ANO1: variants seen among roughly 807,000 people sequenced by gnomAD.
ANO1 encodes the protein anoctamin-1.
Under a neutral mutation model 124.0 loss-of-function variants are expected in ANO1, and 59 were observed. That is an observed-to-expected ratio of 0.48 (90% CI 0.39 to 0.59). The LOEUF is 0.59. ANO1 is among the 20% of genes least tolerant of loss of function. ANO1 has a pLI of 0.00. For synonymous variants in ANO1, 529 were observed against 532.0 expected (o/e 0.99, Z 0.08); for missense variants, 1,059 against 1,328.0 (o/e 0.80, Z 3.15).
chr11:70,156,022 G>T (rs557917774), intron 15 of ANO1, 34 bp downstream of exon 15: 3 of 1,467,482 alleles, frequency 2.0e-6, no homozygotes, highest in Admixed American at 2.9e-5. Flanking sequence ...CGCGCGTCTT[G>T]ACTGTTTGCA....
At chr11:70,175,009 C>T (rs577973393) in intron 22 of ANO1, among the ~76,000 whole-genome samples, 52 of 152,190 alleles carry the variant, frequency 3.4e-4, no homozygotes, top group African/African-American at 1.2e-3. Flanking sequence ...CAGTACCCCA[C>T]CCCCGCCCGC....
intron 5 of ANO1, among the ~76,000 whole-genome samples, chr11:70,107,856 G>A (rs555185275): frequency 3.3e-4 from 51 of 152,306 alleles, no homozygotes; most frequent in African/African-American, 6.3e-4. Flanking sequence ...GATGATGGCC[G>A]CCTCCTGCCA....
intron 1 of ANO1, among the ~76,000 whole-genome samples, chr11:70,017,817 G>A (rs1011661123): frequency 5.9e-5 from 9 of 152,012 alleles, no homozygotes; most frequent in African/African-American, 2.2e-4. Flanking sequence ...ACAGTACCTG[G>A]CCTATTTTCC....
At chr11:70,185,393 G>T (rs2049072303) in intron 24 of ANO1, among the ~76,000 whole-genome samples, 197 bp from the exon 25 acceptor site, 1 of 152,118 alleles carries the variant, frequency 6.6e-6, no homozygotes, top group Admixed American at 6.5e-5. Context: ...GGGGGATCCT[G>T]ACCAACCCCC....
intron 1 of ANO1, among the ~76,000 whole-genome samples, chr11:70,032,535 AGG>A (rs140080009): frequency 7.2e-6 from 1 of 138,484 alleles, no homozygotes; most frequent in East Asian, 2.1e-4. Context: ...GAGGCGGGAG[AGG>A]GGGGGGGTCT....
At chr11:70,171,611 A>G (rs1565275357) in intron 22 of ANO1, among the ~76,000 whole-genome samples, 2 of 152,142 alleles carry the variant, frequency 1.3e-5, no homozygotes, top group African/African-American at 2.4e-5. Context: ...CGTCACTAAG[A>G]CACCTTGACC....
At chr11:70,040,228 T>C (rs1857162114) in intron 1 of ANO1, among the ~76,000 whole-genome samples, 1 of 152,030 alleles carries the variant, frequency 6.6e-6, no homozygotes. Context: ...GAGCTAATCA[T>C]AAGGATTAAA....
intron 16 of ANO1, among the ~76,000 whole-genome samples, chr11:70,158,654 T>C (rs2047918162): frequency 6.6e-6 from 1 of 152,312 alleles, no homozygotes; most frequent in South Asian, 2.1e-4. Context: ...GGGGCTGTCT[T>C]TGTTTTCTGG....
chr11:70,164,771 C>T (rs2048187906), intron 19 of ANO1, among the ~76,000 whole-genome samples: 1 of 152,180 alleles, frequency 6.6e-6, no homozygotes, highest in Non-Finnish European at 1.5e-5. Flanking sequence ...CTGCTGCCTC[C>T]TGTGGGGCTC....
chr11:70,164,605 G>A (rs186057684), intron 19 of ANO1, among the ~76,000 whole-genome samples: 8 of 152,330 alleles, frequency 5.3e-5, no homozygotes, highest in African/African-American at 1.7e-4. Context: ...AGTTTACTGT[G>A]CCTCAGGGGT....
rs763696945 is a variant in ANO1 at position 70,132,033 on chromosome 11, C to T, written c.1212C>T (p.Phe404=). The T allele has an allele frequency of 1.0e-5, 16 of 1,602,500 alleles. No individual in the cohort carries two copies. The East Asian group carries it at 2.0e-4, about 20-fold the overall frequency. Residue 404 remains phenylalanine, a synonymous_variant, in exon 11 of 26, where the codon TTC becomes TTT. Transcript: ENST00000355303. Reference sequence around the variant, plus strand: ...CCACGGCCCGCGCCAGCCACCTCTTCGACAACCCCGCCACGGTCTTCTTCT... The same window carrying T: ...CCACGGCCCGCGCCAGCCACCTCTTTGACAACCCCGCCACGGTCTTCTTCT... The part of the protein sequence containing the change: ...ACATARASHL[F]DNPATVFFSV...
At chr11:70,020,728 G>A (rs1555002545) in intron 1 of ANO1, among the ~76,000 whole-genome samples, 3 of 152,226 alleles carry the variant, frequency 2.0e-5, no homozygotes, top group Non-Finnish European at 4.4e-5. Flanking sequence ...ACAGAGTGCT[G>A]GGTGTGGGTG....
chr11:70,087,979 G>T lies in ANO1; in HGVS notation c.336G>T (p.Ser112=). 6.3e-7 allele frequency: 1 copy of T among 1,578,938 alleles called. No individual in the cohort carries two copies. The highest frequency in any genetic ancestry group is 2.3e-5 in the East Asian group (1 of 43,420). The part of the protein sequence containing the change: ...PGKGASLDAG[S]GEPPMDYHED... Reference sequence around the variant, plus strand: ...AGGGGGCGTCGCTGGATGCAGGCTCGGGGGAGCCCCCGATGGACTACCACG... The same window carrying T: ...AGGGGGCGTCGCTGGATGCAGGCTCTGGGGAGCCCCCGATGGACTACCACG... The change falls in exon 2 of 26, where the codon TCG becomes TCT. Residue 112 remains serine (S), a synonymous_variant. Coordinates refer to ENST00000355303, the MANE Select transcript of ANO1 (RefSeq NM_018043.7).
At chr11:70,184,745 G>A (rs907029509) in intron 24 of ANO1, among the ~76,000 whole-genome samples, 3 of 152,158 alleles carry the variant, frequency 2.0e-5, no homozygotes, top group African/African-American at 7.2e-5. Flanking sequence ...TTTTTTGGTT[G>A]TTGTTTGGTT....
intron 1 of ANO1, among the ~76,000 whole-genome samples, chr11:70,036,368 T>C (rs1555004406): frequency 1.3e-5 from 2 of 152,162 alleles, no homozygotes; most frequent in Non-Finnish European, 2.9e-5. Flanking sequence ...TCCAGGGTGA[T>C]CTCATCTTGA....
rs772986903 is a variant in ANO1 at position 70,115,158 on chromosome 11, G to A, written c.856-1300G>A. ...GTTAAACTGCTCTCAGAGCGTCTTCGTTCCAAGACCACCTGCATTTGGTTG... is the reference window on the plus strand; with the variant it reads ...GTTAAACTGCTCTCAGAGCGTCTTCATTCCAAGACCACCTGCATTTGGTTG... On this transcript the variant is annotated intron_variant, in intron 7 of 25. Coordinates refer to ENST00000355303, the MANE Select transcript of ANO1 (RefSeq NM_018043.7). 8.1e-4 allele frequency among the ~76,000 whole-genome samples: 123 copies of A among 152,266 alleles called. 1 individual carries two copies. Among genetic ancestry groups the A allele is most frequent in the Non-Finnish European group, 1.5e-3 (101 of 68,024 alleles).
At chr11:70,102,866 C>T (rs1413225051) in intron 2 of ANO1, among the ~76,000 whole-genome samples, 200 bp from the exon 3 acceptor site, 3 of 152,200 alleles carry the variant, frequency 2.0e-5, no homozygotes, top group African/African-American at 7.2e-5. Flanking sequence ...GCTCCCACAG[C>T]CCCCTGCACT....
chr11:70,187,945 T>C lies in ANO1; in HGVS notation c.2902T>C (p.Cys968Arg), dbSNP rs1417059258. 1 of 1,579,954 alleles carries C rather than the reference T, an allele frequency of 6.3e-7. No individual in the cohort carries two copies. The highest frequency in any genetic ancestry group is 1.2e-5 in the South Asian group (1 of 86,460). Reference protein sequence around the residue: ...PPCNHHNTKACPDSLGSPAPS... With the variant: ...PPCNHHNTKARPDSLGSPAPS... ...GTGCAACCACCACAACACCAAAGCC[T>C]GCCCAGACAGCCTCGGCAGCCCAGC... Residue 968 changes from cysteine (C) to arginine (R), a missense_variant, in exon 26 of 26, where the codon TGC (cysteine) becomes CGC (arginine). This residue lies in a region of ANO1 where 809 missense variants were observed against 1,094.9 expected (regional missense o/e 0.74). Coordinates refer to ENST00000355303, the MANE Select transcript of ANO1 (RefSeq NM_018043.7).
chr11:70,139,212 A>C (rs2047061975), intron 11 of ANO1, among the ~76,000 whole-genome samples: 1 of 151,756 alleles, frequency 6.6e-6, no homozygotes, highest in African/African-American at 2.4e-5. Flanking sequence ...GCTGGAGTGC[A>C]GTGGCACAAT....
Sources: gnomAD v4.1 joint callset for allele counts (sites outside exome capture counted in the v4.1 genomes callset) on GRCh38, gnomAD v4.1.1 for gene constraint, gnomAD v4.1.1 regional missense constraint, MANE v1.5 for transcripts, NCBI Gene and HGNC (gene_info 2026-07-23, HGNC 2026-07-21) for gene names.